SLC39A13: variants seen among roughly 807,000 people sequenced by gnomAD.
The protein encoded by SLC39A13 is solute carrier family 39 member 13, also known as zinc transporter ZIP13.
A neutral mutation model predicts 38.7 loss-of-function variants in SLC39A13; 18 were observed. The observed-to-expected ratio is 0.47, with a 90% CI of 0.32 to 0.69. The LOEUF is 0.69. Ranked by LOEUF, SLC39A13 falls within the 30% of genes least tolerant of loss-of-function variation. SLC39A13 has a pLI of 0.03. For synonymous variants in SLC39A13, 212 were observed against 219.1 expected, an observed-to-expected ratio of 0.97 and a Z score of 0.29; for missense variants, 395 against 490.7, an observed-to-expected ratio of 0.80 and a Z score of 1.84.
chr11:47,412,076 A>T (rs755433114), intron 3 of SLC39A13, 37 bp downstream of exon 3: 1 of 1,578,222 alleles, frequency 6.3e-7, no homozygotes, highest in Non-Finnish European at 8.6e-7. Context: ...AGACAGTGCC[A>T]GGAGTGGGGG....
At position 47,415,048 on chromosome 11, in the gene SLC39A13, C is replaced by G; in HGVS notation, c.929C>G (p.Ser310Cys). The change falls in exon 9 of 10, where the codon TCT becomes TGT. Residue 310 changes from serine (S) to cysteine (C), a missense_variant. Physicochemically the swap from Ser to Cys is moderately radical, Grantham distance 112. Coordinates refer to ENST00000362021, the MANE Select transcript of SLC39A13 (RefSeq NM_001128225.3). ...TGCCTTGGGTACCCAGTTGGGTGTT[C>G]TCCCGCTGCAGAGGAGACGGCAGCC... ...TQSPKGVVGC[S>C]PAAEETAAWV... The G allele has an allele frequency of 6.2e-7, 1 of 1,613,438 alleles. No homozygotes were observed. Among genetic ancestry groups the G allele is most frequent in the Non-Finnish European group, 8.5e-7 (1 of 1,179,732 alleles).
rs2096014643 is a variant in SLC39A13 at position 47,414,282 on chromosome 11, T to C, written c.736-143T>C. 1.1e-5 allele frequency: 10 copies of C among 885,790 alleles called. No individual in the cohort carries two copies. In the Admixed American group the frequency reaches 2.0e-4, roughly 18 times the overall value. 54.9% of individuals were successfully genotyped at this position (885,790 alleles called of 1,614,324 possible). ...GTGAAGGCAGGTTCCTTGTCCCCTTTAGTCACTGCTGTATTTCCAGTGGCC... is the reference window on the plus strand; with the variant it reads ...GTGAAGGCAGGTTCCTTGTCCCCTTCAGTCACTGCTGTATTTCCAGTGGCC... On this transcript the variant is annotated intron_variant, in intron 6 of 9. Coordinates refer to ENST00000362021, the MANE Select transcript of SLC39A13 (RefSeq NM_001128225.3).
At chr11:47,414,608 G>A in intron 7 of SLC39A13, 133 bp downstream of exon 7, 1 of 1,482,124 alleles carries the variant, frequency 6.7e-7, no homozygotes, top group Non-Finnish European at 9.3e-7. Flanking sequence ...TGTGAGGGCT[G>A]GAGCTCCTCA....
chr11:47,410,132 G>T lies in SLC39A13; in HGVS notation c.38G>T (p.Gly13Val), dbSNP rs148165667. 9.3e-6 allele frequency: 15 copies of T among 1,613,068 alleles called. No individual in the cohort carries two copies. The highest frequency in any genetic ancestry group is 1.3e-5 in the Non-Finnish European group (15 of 1,180,002). ...CCCTGCCCTGGCTGTGGCATGGCGGGCCCAAGGCTCCTCTTCCTCACTGCC... is the reference window on the plus strand; with the variant it reads ...CCCTGCCCTGGCTGTGGCATGGCGGTCCCAAGGCTCCTCTTCCTCACTGCC... Reference protein sequence around the residue: ...GCPCPGCGMAGPRLLFLTALA... With the variant: ...GCPCPGCGMAVPRLLFLTALA... The change falls in exon 2 of 10, where the codon GGC becomes GTC. Residue 13 changes from glycine (G) to valine (V), a missense_variant. Gly to Val is a moderately radical substitution (Grantham distance 109). Transcript: ENST00000362021.
chr11:47,412,060 G>A (rs2096002322), intron 3 of SLC39A13, 21 bp downstream of exon 3: 2 of 1,594,992 alleles, frequency 1.3e-6, no homozygotes, highest in Non-Finnish European at 1.7e-6. Flanking sequence ...CCACACGCCA[G>A]GGGCAAGACA....
chr11:47,409,571 C>T (rs2095986634), intron 1 of SLC39A13: 2 of 168,290 alleles, frequency 1.2e-5, no homozygotes, highest in Admixed American at 1.1e-4. Context: ...AGCCCCATCT[C>T]CTGTTGCCCT....
Position 47,415,405 on chromosome 11 carries a change from A to G in SLC39A13, c.*42A>G. The G allele has an allele frequency of 1.2e-6, 2 of 1,604,338 alleles. No homozygotes were observed. ...CGCCCCTGCCCCCTGCAGCAATAAG[A>G]TGCTCGGATTCACTCTGTGACCGCA... On this transcript the variant is annotated 3_prime_UTR_variant, in exon 10 of 10. Coordinates refer to ENST00000362021, the MANE Select transcript of SLC39A13 (RefSeq NM_001128225.3).
Position 47,412,016 on chromosome 11 carries a change from C to T in SLC39A13, c.392C>T (p.Ala131Val), listed in dbSNP as rs370161381. ...VFLHLLPEAW[A>V]YTCSASPGGE... ...CTGCATCTGCTGCCCGAAGCCTGGGCCTACACGTGCAGCGCCAGCCCTGGT... is the reference window on the plus strand; with the variant it reads ...CTGCATCTGCTGCCCGAAGCCTGGGTCTACACGTGCAGCGCCAGCCCTGGT... Residue 131 changes from alanine to valine, a missense_variant, in exon 3 of 10, where the codon GCC becomes GTC. Physicochemically the swap from Ala to Val is moderately conservative, Grantham distance 64. Transcript: ENST00000362021. The T allele has an allele frequency of 6.8e-6, 11 of 1,612,310 alleles. No individual in the cohort carries two copies. The highest frequency in any genetic ancestry group is 8.5e-6 in the Non-Finnish European group (10 of 1,179,434).
chr11:47,412,326 G>A lies in SLC39A13; in HGVS notation c.416-20G>A. The A allele has an allele frequency of 6.2e-6, 10 of 1,608,574 alleles. No individual in the cohort carries two copies. The highest frequency in any genetic ancestry group is 4.2e-6 in the Non-Finnish European group (5 of 1,177,812). ...GGCTTGGCTTGGCCTGGCCTGGCCTGGCATTGCCGCCCCCTGCAGGTGGTG... is the reference window on the plus strand; with the variant it reads ...GGCTTGGCTTGGCCTGGCCTGGCCTAGCATTGCCGCCCCCTGCAGGTGGTG... On this transcript the variant is annotated intron_variant, in intron 3 of 9. Coordinates refer to ENST00000362021, the MANE Select transcript of SLC39A13 (RefSeq NM_001128225.3).
At position 47,414,677 on chromosome 11, in the gene SLC39A13, G is replaced by A. The variant is rs553808986; in HGVS notation, c.787-100G>A. On this transcript the variant is annotated intron_variant, in intron 7 of 9. Transcript: ENST00000362021. ...CTCAGGATGGGGGTCCCAGGGGAAG[G>A]GTGGGGAAGGGCAGGGGGCTCAGTG... The A allele has an allele frequency of 2.0e-5, 32 of 1,578,388 alleles. No homozygotes were observed. In the East Asian group the frequency reaches 2.7e-4, roughly 13 times the overall value.
In SLC39A13 at chr11:47,413,386, TCTC is replaced by T. The variant is rs1451300127; in HGVS notation, c.538-11_538-9del. 6 of 1,613,478 alleles carry T rather than the reference TCTC, an allele frequency of 3.7e-6. No homozygotes were observed. In the African/African-American group the frequency reaches 8.0e-5, roughly 22 times the overall value. ...GCATCTAATGTCACCTCTCCCTCCT[TCTC>T]CTGGCCCTAGGCCCCCAACAAAGAC... On this transcript the variant is annotated splice_polypyrimidine_tract_variant and intron_variant, in intron 4 of 9. Coordinates refer to ENST00000362021, the MANE Select transcript of SLC39A13 (RefSeq NM_001128225.3).
At position 47,414,925 on chromosome 11, in the gene SLC39A13, G is replaced by A. The variant is rs777357507; in HGVS notation, c.919+16G>A. 1.1e-5 allele frequency: 18 copies of A among 1,609,404 alleles called. No homozygotes were observed. The highest frequency in any genetic ancestry group is 1.5e-5 in the Non-Finnish European group (18 of 1,178,712). ...AAGGGAGTAGGTACGGGCGTGGCGGGTGGTTGTGGCGGGTGGCATCAGCAG... is the reference window on the plus strand; with the variant it reads ...AAGGGAGTAGGTACGGGCGTGGCGGATGGTTGTGGCGGGTGGCATCAGCAG... On this transcript the variant is annotated intron_variant, in intron 8 of 9. Coordinates refer to ENST00000362021, the MANE Select transcript of SLC39A13 (RefSeq NM_001128225.3).
chr11:47,415,897 C>T lies in SLC39A13; in HGVS notation c.*534C>T, dbSNP rs2153302475. ...GCCAAAGAAAGGAGAGGCAGGTGCT[C>T]CTGTACCCCAGCCCCACTCAGCACT... On this transcript the variant is annotated 3_prime_UTR_variant, in exon 10 of 10. Coordinates refer to ENST00000362021, the MANE Select transcript of SLC39A13 (RefSeq NM_001128225.3). The T allele has an allele frequency of 4.5e-6, 1 of 220,800 alleles. No individual in the cohort carries two copies. The highest frequency in any genetic ancestry group is 9.2e-6 in the Non-Finnish European group (1 of 108,702). 13.7% of individuals were successfully genotyped at this position (220,800 alleles called of 1,614,324 possible). A position where few individuals can be genotyped will look rare whatever the true frequency, so the allele number is the denominator to read the frequency against.
Position 47,415,022 on chromosome 11 carries a change from G to A in SLC39A13, c.920-17G>A. On this transcript the variant is annotated splice_polypyrimidine_tract_variant and intron_variant, in intron 8 of 9. Transcript: ENST00000362021. ...GCCCGGGAGGTGGGGAGCACACACA[G>A]TGCCTTGGGTACCCAGTTGGGTGTT... The A allele has an allele frequency of 1.2e-6, 2 of 1,613,208 alleles. No individual in the cohort carries two copies. The highest frequency in any genetic ancestry group is 1.1e-5 in the South Asian group (1 of 91,040).
intron 7 of SLC39A13, 99 bp downstream of exon 7, chr11:47,414,574 C>A: frequency 6.5e-7 from 1 of 1,527,286 alleles, no homozygotes; most frequent in Non-Finnish European, 9.0e-7. Flanking sequence ...TGGGCCTGTC[C>A]AGCATGGCAC....
intron 7 of SLC39A13, 52 bp downstream of exon 7, chr11:47,414,527 G>A (rs1363000210): frequency 6.3e-7 from 1 of 1,595,410 alleles, no homozygotes; most frequent in Admixed American, 1.7e-5. Flanking sequence ...CAGTGCCCAT[G>A]ATCAGCATGG....
Position 47,410,435 on chromosome 11 carries a change from G to C in SLC39A13, c.301+40G>C, listed in dbSNP as rs1394868435. 6 of 1,610,320 alleles carry C rather than the reference G, an allele frequency of 3.7e-6. No homozygotes were observed. In the South Asian group the frequency reaches 5.5e-5, roughly 15 times the overall value. ...GGTGGCGCCCAGGGCTGGCCAGGGT[G>C]TGGGAAGCATGCTGCTGCTCTTCTT... On this transcript the variant is annotated intron_variant, in intron 2 of 9. Coordinates refer to ENST00000362021, the MANE Select transcript of SLC39A13 (RefSeq NM_001128225.3).
intron 2 of SLC39A13, 64 bp from the exon 3 acceptor site, chr11:47,411,862 G>A: frequency 1.3e-6 from 2 of 1,497,514 alleles, no homozygotes; most frequent in Non-Finnish European, 1.8e-6. Flanking sequence ...GAGTGGGGTG[G>A]GATGAAGGTC....
intron 1 of SLC39A13, 26 bp from the exon 2 acceptor site, chr11:47,410,061 T>C (rs764606375): frequency 1.9e-6 from 3 of 1,611,326 alleles, no homozygotes; most frequent in Non-Finnish European, 1.7e-6. Flanking sequence ...CTGTAGCTCA[T>C]ATAGGTGGCC....
Sources: gnomAD v4.1 joint callset for allele counts on GRCh38, gnomAD v4.1.1 for gene constraint, MANE v1.5 for transcripts, NCBI Gene and HGNC (gene_info 2026-07-23, HGNC 2026-07-21) for gene names.